The following LIG1 variants were observed in gnomAD, a reference collection of about 807,000 sequenced individuals.
LIG1 encodes the protein DNA ligase 1.
LIG1 carries 70 observed loss-of-function variants against 115.7 expected under a neutral mutation model. The observed-to-expected ratio is 0.60, with a 90% confidence interval of 0.50 to 0.74. The LOEUF is 0.74. Among genes scored for constraint, LIG1 ranks in the 30% least tolerant of loss-of-function variants. The pLI is 0.00. For missense variants in LIG1, 1,115 were observed against 1,225.6 expected, an observed-to-expected ratio of 0.91 and a Z score of 1.35; for synonymous variants, 487 against 495.3, an observed-to-expected ratio of 0.98 and a Z score of 0.22.
chr19:48,149,407 G>A (rs965963140), intron 9 of LIG1, among the ~76,000 whole-genome samples: 5 of 152,170 alleles, frequency 3.3e-5, no homozygotes, highest in Admixed American at 1.3e-4. Flanking sequence ...TTCTCCTGAC[G>A]GCTCTGGGGA....
In LIG1 at chr19:48,139,547, C is replaced by T. The variant is rs546239232; in HGVS notation, c.1087+424G>A. On this transcript the variant is annotated intron_variant, in intron 12 of 27. Coordinates refer to ENST00000263274, the MANE Select transcript of LIG1 (RefSeq NM_000234.3). ...CGGGCCATCCGCATCACCAGCCTTT[C>T]CACCCAGCACTGGCGGCTGGGCCCC... 5.1e-4 allele frequency among the ~76,000 whole-genome samples: 77 copies of T among 152,282 alleles called. 1 individual carries two copies. Among genetic ancestry groups the T allele is most frequent in the Non-Finnish European group, 8.8e-5 (6 of 68,008 alleles).
At chr19:48,129,657 T>C (rs2033890880) in intron 19 of LIG1, among the ~76,000 whole-genome samples, 2 of 152,212 alleles carry the variant, frequency 1.3e-5, no homozygotes, top group Non-Finnish European at 2.9e-5. Flanking sequence ...AACCAACCTG[T>C]GGCGACCAAA....
At position 48,120,999 on chromosome 19, in the gene LIG1, T is replaced by C. The variant is rs534966372; in HGVS notation, c.2385+171A>G. On this transcript the variant is annotated intron_variant, in intron 24 of 27. Coordinates refer to ENST00000263274, the MANE Select transcript of LIG1 (RefSeq NM_000234.3). The stretch of plus-strand genomic sequence containing the variant: ...TTCTATCCCAGCCTGTTTTTCTATA[T>C]GAAGCAAGAGTTGCTCATAGAACCA... 80 of 1,489,980 alleles carry C rather than the reference T, an allele frequency of 5.4e-5. 1 individual carries two copies. In the East Asian group the frequency reaches 7.5e-4, roughly 14 times the overall value. The allele number at this position is 1,489,980 out of a possible 1,614,324, so 92.3% of individuals were successfully genotyped here.
At chr19:48,165,651 A>C (rs1174470085) in intron 1 of LIG1, 28 bp from the exon 2 acceptor site, 2 of 1,571,330 alleles carry the variant, frequency 1.3e-6, no homozygotes, top group Non-Finnish European at 1.8e-6. Context: ...ACACTTGTTG[A>C]GGTGATTGGT....
rs2033372565 is a variant in LIG1, at chr19:48,122,672, C to G, written c.2232+262G>C. Among the ~76,000 whole-genome samples the G allele has an allele frequency of 6.6e-6, 1 of 152,216 alleles. No individual in the cohort carries two copies. The highest frequency in any genetic ancestry group is 6.5e-5 in the Admixed American group (1 of 15,284). ...CCTGGCCCGACACGGGCGGCAGGCT[C>G]AGGAGAGAGACACCTCATCACGCTG... On this transcript the variant is annotated intron_variant, in intron 23 of 27. Coordinates refer to ENST00000263274, the MANE Select transcript of LIG1 (RefSeq NM_000234.3). This position sits in a 1 kb window ranked among gnomAD's most constrained non-coding sequence, Gnocchi z 4.3.
chr19:48,154,332 C>T (rs1297806926), intron 5 of LIG1: 4 of 329,416 alleles, frequency 1.2e-5, no homozygotes, highest in South Asian at 5.2e-5. Context: ...AGACAGCTTC[C>T]CCGGAACCTC....
At chr19:48,144,004 G>A in intron 9 of LIG1, 41 bp from the exon 10 acceptor site, 1 of 1,475,522 alleles carries the variant, frequency 6.8e-7, no homozygotes, top group Non-Finnish European at 9.5e-7. Flanking sequence ...TAGAGCCCTG[G>A]GTCAAAGCAA....
chr19:48,115,700 A>C lies in LIG1; in HGVS notation c.2709T>G (p.Ile903Met). The C allele has an allele frequency of 6.2e-7, 1 of 1,614,180 alleles. No homozygotes were observed. Among genetic ancestry groups the C allele is most frequent in the Non-Finnish European group, 8.5e-7 (1 of 1,180,010 alleles). ...VACLYRKQSQ[I>M]QNQQGEDSGS... ...CTGAGTCCTCGCCTTGTTGGTTCTG[A>C]ATCTGACTTTGCTTCCGGTACAAAC... The change falls in exon 28 of 28, where the codon ATT becomes ATG. Residue 903 changes from isoleucine (I) to methionine (M), a missense_variant. Ile to Met is a conservative substitution (Grantham distance 10, BLOSUM62 1). Transcript: ENST00000263274.
intron 1 of LIG1, among the ~76,000 whole-genome samples, chr19:48,167,314 C>G (rs1207230699): frequency 6.6e-6 from 1 of 151,928 alleles, no homozygotes; most frequent in African/African-American, 2.4e-5. Context: ...GCGTGGATTG[C>G]TTGAGTTGAG....
intron 5 of LIG1, among the ~76,000 whole-genome samples, chr19:48,156,105 G>A (rs546576542): frequency 1.3e-5 from 2 of 152,294 alleles, no homozygotes; most frequent in South Asian, 4.1e-4. Context: ...CCCCAAGCTG[G>A]TTTTCCAGGA....
intron 2 of LIG1, among the ~76,000 whole-genome samples, chr19:48,164,185 G>C (rs140780652): frequency 1.3e-5 from 2 of 151,942 alleles, no homozygotes; most frequent in African/African-American, 4.8e-5. Flanking sequence ...CAGAATAAGA[G>C]GTTTATTTAA....
intron 20 of LIG1, chr19:48,127,640 G>A: frequency 1.6e-6 from 1 of 610,272 alleles, no homozygotes; most frequent in South Asian, 1.9e-5. Context: ...AAACCTGTGG[G>A]GTGCAGGTTG....
intron 12 of LIG1, among the ~76,000 whole-genome samples, chr19:48,138,457 G>C (rs140197240): frequency 6.6e-6 from 1 of 152,374 alleles, no homozygotes; most frequent in Non-Finnish European, 1.5e-5. Context: ...CCGCGGCACA[G>C]AGCACATGAA....
At chr19:48,119,270 A>T in intron 24 of LIG1, 80 bp from the exon 25 acceptor site, 1 of 1,150,918 alleles carries the variant, frequency 8.7e-7, no homozygotes, top group African/African-American at 1.5e-5. Flanking sequence ...AGCTGTGTAC[A>T]CTCATGGCCC....
chr19:48,125,839 T>A (rs2033628933), intron 21 of LIG1, among the ~76,000 whole-genome samples: 1 of 151,388 alleles, frequency 6.6e-6, no homozygotes, highest in South Asian at 2.1e-4. Context: ...ATACAAAAAA[T>A]TCGCCAGGCG....
chr19:48,132,892 G>A, intron 18 of LIG1, 90 bp downstream of exon 18: 1 of 936,112 alleles, frequency 1.1e-6, no homozygotes, highest in Non-Finnish European at 1.8e-6. Flanking sequence ...TGTGGCGCAG[G>A]CCGGCTTGAA....
intron 1 of LIG1, among the ~76,000 whole-genome samples, chr19:48,169,030 T>A (rs1276616666): frequency 6.6e-6 from 1 of 152,060 alleles, no homozygotes; most frequent in Non-Finnish European, 1.5e-5. Context: ...CAGTACTCAG[T>A]AATAAAAAGA....
At chr19:48,158,945 T>C (rs933742260) in intron 4 of LIG1, among the ~76,000 whole-genome samples, 1 of 152,234 alleles carries the variant, frequency 6.6e-6, no homozygotes. Flanking sequence ...TTAGAGTTAG[T>C]TCTCTTTTTA....
In LIG1 at chr19:48,115,960, A is replaced by T. The variant is rs750286209; in HGVS notation, c.2589T>A (p.Asp863Glu). ...PIYPAARGLV[D>E]SDKGISLRFP... is the part of the protein sequence containing the mutation. Reference sequence around the variant, plus strand: ...AGCGAAGGGAGATGCCCTTGTCACTATCCACCTGCGGAAGCGGGATGGAGA... The same window carrying T: ...AGCGAAGGGAGATGCCCTTGTCACTTTCCACCTGCGGAAGCGGGATGGAGA... The change falls in exon 27 of 28, where the codon GAT becomes GAA. Residue 863 changes from aspartate (D) to glutamate (E), a missense_variant. By Grantham distance (45) the Asp-to-Glu change is conservative. Transcript: ENST00000263274. 6.2e-7 allele frequency: 1 copy of T among 1,613,306 alleles called. No homozygotes were observed. Among genetic ancestry groups the T allele is most frequent in the East Asian group, 2.2e-5 (1 of 44,858 alleles).
Sources: gnomAD v4.1 joint callset for allele counts (sites outside exome capture counted in the v4.1 genomes callset) on GRCh38, gnomAD v4.1.1 for gene constraint, Gnocchi (gnomAD v3.1) non-coding constraint, MANE v1.5 for transcripts, NCBI Gene and HGNC (gene_info 2026-07-23, HGNC 2026-07-21) for gene names.